MON2: variants seen among roughly 807,000 people sequenced by gnomAD.
MON2 encodes the protein MON2 regulator of endosome-to-Golgi trafficking, also known as protein MON2 homolog.
A neutral mutation model predicts 208.6 loss-of-function variants in MON2; 84 were observed. The observed-to-expected ratio is 0.40, with a 90% CI of 0.34 to 0.48. MON2 has a LOEUF of 0.48. Among genes scored for constraint, MON2 ranks in the 20% least tolerant of loss-of-function variants. MON2 has a pLI of 0.59. For missense variants in MON2, 1,611 were observed against 2,015.4 expected (o/e 0.80, Z 3.84); for synonymous variants, 660 against 694.0 (o/e 0.95, Z 0.77).
chr12:62,475,031 G>A (rs142671686), intron 1 of MON2, among the ~76,000 whole-genome samples: 1 of 152,246 alleles, frequency 6.6e-6, no homozygotes, highest in African/African-American at 2.4e-5. Flanking sequence ...TGTCACCCAT[G>A]CAGAAGCCCA....
Position 62,598,561 on chromosome 12 carries a change from A to G in MON2, c.*5812A>G, listed in dbSNP as rs1278216740. 1 of 152,198 alleles carries G rather than the reference A, an allele frequency of 6.6e-6. No homozygotes were observed. The highest frequency in any genetic ancestry group is 1.9e-4 in the East Asian group (1 of 5,198). 9.4% of individuals were successfully genotyped at this position (152,198 alleles called of 1,614,324 possible). On this transcript the variant is annotated 3_prime_UTR_variant, in exon 35 of 35. Coordinates refer to ENST00000393630, the MANE Select transcript of MON2 (RefSeq NM_015026.3). ...TACTACTACCTCTGTGTCATAATTT[A>G]ACACGTAACATACAACTCCTGTCTC...
chr12:62,522,093 ACAAGAATCACTTGAAC>A (rs149836181), intron 8 of MON2, among the ~76,000 whole-genome samples: 6,282 of 152,210 alleles, frequency 0.041, 456 homozygotes, highest in African/African-American at 0.14. Context: ...AGGCTAAGGC[ACAAGAATCACTTGAAC>A]CCAGGAGGTG....
At chr12:62,590,145 C>CAGT (rs1299021919) in intron 34 of MON2, among the ~76,000 whole-genome samples, 2 of 152,242 alleles carry the variant, frequency 1.3e-5, no homozygotes, top group Non-Finnish European at 2.9e-5. Flanking sequence ...GGCTAGTGTG[C>CAGT]AGTGGTGTGA....
At chr12:62,475,099 C>T (rs2068996063) in intron 1 of MON2, among the ~76,000 whole-genome samples, 1 of 152,150 alleles carries the variant, frequency 6.6e-6, no homozygotes, top group Non-Finnish European at 1.5e-5. Flanking sequence ...CTTGATTTTC[C>T]TAACCTTCCT....
chr12:62,546,809 G>A, intron 21 of MON2, 88 bp from the exon 22 acceptor site: 1 of 959,430 alleles, frequency 1.0e-6, no homozygotes, highest in Non-Finnish European at 1.5e-6. Flanking sequence ...AGTCTGAATG[G>A]CGATGAATTT....
intron 26 of MON2, among the ~76,000 whole-genome samples, chr12:62,562,579 T>C (rs2074238562): frequency 6.6e-6 from 1 of 152,126 alleles, no homozygotes; most frequent in Non-Finnish European, 1.5e-5. Context: ...GGGTTTCTAG[T>C]ATCTCCTAAC....
At chr12:62,501,845 G>A in intron 7 of MON2, 147 bp downstream of exon 7, 1 of 820,068 alleles carries the variant, frequency 1.2e-6, no homozygotes, top group Non-Finnish European at 1.9e-6. Context: ...CAACACTTTG[G>A]GAGGCTGAGG....
chr12:62,542,092 C>T (rs1044819968), intron 19 of MON2, among the ~76,000 whole-genome samples: 8 of 152,130 alleles, frequency 5.3e-5, no homozygotes, highest in African/African-American at 1.7e-4. Flanking sequence ...ATCTTAACTA[C>T]TATACCATAT....
rs1287321426 is a variant in MON2 at position 62,508,379 on chromosome 12, A to G, written c.883A>G (p.Thr295Ala). The change falls in exon 8 of 35, where the codon ACC (threonine) becomes GCC (alanine). Residue 295 changes from threonine to alanine, a missense_variant. Transcript: ENST00000393630. The stretch of plus-strand genomic sequence containing the variant: ...TATAAAGTTCAGACAAGGTTCCAGC[A>G]CCTCATCTTCTCCAGCACCAGTTGA... ...PNIKFRQGSS[T>A]SSSPAPVEKP... 1.2e-6 allele frequency: 2 copies of G among 1,614,008 alleles called. No individual in the cohort carries two copies. Among genetic ancestry groups the G allele is most frequent in the Non-Finnish European group, 1.7e-6 (2 of 1,179,884 alleles).
intron 25 of MON2, among the ~76,000 whole-genome samples, chr12:62,556,595 G>A (rs535288162): frequency 1.3e-5 from 2 of 152,286 alleles, no homozygotes; most frequent in Admixed American, 6.5e-5. Context: ...AGAGTAAGAC[G>A]AAGTGTGGAG....
chr12:62,531,924 C>A (rs566087126), intron 11 of MON2, among the ~76,000 whole-genome samples: 1 of 152,084 alleles, frequency 6.6e-6, no homozygotes, highest in South Asian at 2.1e-4. Context: ...CACCTGCCAC[C>A]ACGCCTGGCT....
chr12:62,537,250 A>T lies in MON2; in HGVS notation c.2000A>T (p.Gln667Leu), dbSNP rs1156709816. Residue 667 changes from glutamine to leucine, a missense_variant, in exon 15 of 35, where the codon CAA (glutamine) becomes CTA (leucine). Physicochemically the swap from Gln to Leu is moderately radical, Grantham distance 113. Coordinates refer to ENST00000393630, the MANE Select transcript of MON2 (RefSeq NM_015026.3). ...AVGQPLAVQP[Q>L]GTVMLTSKNI... The stretch of plus-strand genomic sequence containing the variant: ...GGTCAACCTTTAGCAGTCCAGCCTC[A>T]AGGGACAGTAATGGTAATGTACTTG... The T allele has an allele frequency of 6.2e-6, 10 of 1,604,432 alleles. No homozygotes were observed. The highest frequency in any genetic ancestry group is 8.5e-6 in the Non-Finnish European group (10 of 1,171,942).
intron 1 of MON2, among the ~76,000 whole-genome samples, chr12:62,468,813 T>G (rs962605726): frequency 4.6e-5 from 7 of 152,246 alleles, no homozygotes; most frequent in Non-Finnish European, 1.0e-4. Flanking sequence ...TTAGAAAATA[T>G]CAAACACTAT....
intron 23 of MON2, among the ~76,000 whole-genome samples, chr12:62,551,269 T>C (rs528196406): frequency 6.6e-6 from 1 of 152,318 alleles, no homozygotes; most frequent in East Asian, 1.9e-4. Context: ...AATGCGACTC[T>C]TCCTTTTACT....
chr12:62,548,594 A>G (rs1688310079), intron 22 of MON2, among the ~76,000 whole-genome samples: 1 of 152,208 alleles, frequency 6.6e-6, no homozygotes, highest in Non-Finnish European at 1.5e-5. Context: ...AAAATTCTTT[A>G]CTACAAAATA....
rs958954184 is a variant in MON2, at chr12:62,552,961, G to T, written c.2997G>T (p.Lys999Asn). The change falls in exon 24 of 35, where the codon AAG (lysine) becomes AAT (asparagine). Residue 999 changes from lysine (K) to asparagine (N), a missense_variant. Physicochemically the swap from Lys to Asn is moderately conservative, Grantham distance 94 (BLOSUM62 0). Coordinates refer to ENST00000393630, the MANE Select transcript of MON2 (RefSeq NM_015026.3). ...ATAAGGAAGAGGCAGCACAGCAAAAGCAGGCAGAAGAGAAAGGAGTTGTTT... is the reference window on the plus strand; with the variant it reads ...ATAAGGAAGAGGCAGCACAGCAAAATCAGGCAGAAGAGAAAGGAGTTGTTT... ...ELNKEEAAQQ[K>N]QAEEKGVVLN... 1 of 1,614,156 alleles carries T rather than the reference G, an allele frequency of 6.2e-7. No individual in the cohort carries two copies. The highest frequency in any genetic ancestry group is 1.7e-5 in the Admixed American group (1 of 60,016).
intron 5 of MON2, among the ~76,000 whole-genome samples, chr12:62,499,492 C>G (rs2136074729): frequency 6.6e-6 from 1 of 152,104 alleles, no homozygotes; most frequent in South Asian, 2.1e-4. Context: ...TGAATTATTT[C>G]TTTAGGATAA....
rs76430786 is a variant in MON2, at chr12:62,574,436, G to A, written c.4514+2854G>A. 2.6e-3 allele frequency among the ~76,000 whole-genome samples: 397 copies of A among 152,114 alleles called. 12 individuals are homozygous for A. The East Asian group carries it at 0.062, about 24-fold the overall frequency. ...CTGTCACCCAGGCTGGAGTGAAGTC[G>A]CATGTTCATGGCTCACTGCGGCCTT... On this transcript the variant is annotated intron_variant, in intron 30 of 34. Transcript: ENST00000393630.
At chr12:62,565,638 G>A (rs1344919992) in intron 27 of MON2, among the ~76,000 whole-genome samples, 1 of 152,046 alleles carries the variant, frequency 6.6e-6, no homozygotes, top group African/African-American at 2.4e-5. Flanking sequence ...TTACTCTCCA[G>A]TACATCTTTC....
Sources: gnomAD v4.1 joint callset for allele counts (sites outside exome capture counted in the v4.1 genomes callset) on GRCh38, gnomAD v4.1.1 for gene constraint, MANE v1.5 for transcripts, NCBI Gene and HGNC (gene_info 2026-07-23, HGNC 2026-07-21) for gene names.